The following HELQ variants were observed in gnomAD, a reference collection of about 807,000 sequenced individuals.
The protein encoded by HELQ is helicase POLQ-like.
A neutral mutation model predicts 111.6 loss-of-function variants in HELQ; 77 were observed. That is an observed-to-expected ratio of 0.69 (90% CI 0.57 to 0.83). The LOEUF is 0.83. HELQ is among the 40% of genes least tolerant of loss of function. The pLI, the probability that HELQ is intolerant of heterozygous loss-of-function variation, is 0.00. For missense variants in HELQ, 1,200 were observed against 1,288.5 expected, an observed-to-expected ratio of 0.93 and a Z score of 1.05; for synonymous variants, 438 against 454.7, an observed-to-expected ratio of 0.96 and a Z score of 0.47.
intron 4 of HELQ, 141 bp from the exon 5 acceptor site, chr4:83,446,227 A>G: frequency 1.7e-6 from 1 of 592,036 alleles, no homozygotes; most frequent in Non-Finnish European, 3.0e-6. Flanking sequence ...ACTATAATAC[A>G]TGTATATTAT....
At position 83,443,616 on chromosome 4, in the gene HELQ, T is replaced by G. The variant is rs766839642; in HGVS notation, c.1466-2A>C. The G allele has an allele frequency of 7.1e-7, 1 of 1,408,626 alleles. No individual in the cohort carries two copies. Among genetic ancestry groups the G allele is most frequent in the African/African-American group, 1.4e-5 (1 of 69,932 alleles). The allele number at this position is 1,408,626 out of a possible 1,614,324, so 87.3% of individuals were successfully genotyped here. A position where few individuals can be genotyped will look rare whatever the true frequency, so the allele number is the denominator to read the frequency against. On this transcript the variant is annotated splice_acceptor_variant, in intron 5 of 17. Transcript: ENST00000295488. LOFTEE classifies it high-confidence loss of function. ...TCATACCAATAATTTGAGTCGTTTC[T>G]AAAACACAAACAAACAAAAGCCAAA...
intron 17 of HELQ, among the ~76,000 whole-genome samples, chr4:83,413,118 C>T (rs1739187583): frequency 6.6e-6 from 1 of 152,216 alleles, no homozygotes; most frequent in African/African-American, 2.4e-5. Flanking sequence ...GGCATGAAAG[C>T]TCTGTGCCAC....
intron 17 of HELQ, among the ~76,000 whole-genome samples, chr4:83,415,770 TTACAGGTGTGGGCC>T (rs1014835908): frequency 6.6e-6 from 1 of 151,934 alleles, no homozygotes; most frequent in African/African-American, 2.4e-5. Context: ...GTAGCTGGGA[TTACAGGTGTGGGCC>T]TACAGGTGTG....
chr4:83,438,306 A>C (rs1720567850), intron 8 of HELQ, among the ~76,000 whole-genome samples: 1 of 152,250 alleles, frequency 6.6e-6, no homozygotes, highest in Non-Finnish European at 1.5e-5. Context: ...CTGAACTGTT[A>C]GTAGTTAAAG....
chr4:83,426,258 A>G (rs541531516), intron 13 of HELQ, among the ~76,000 whole-genome samples, 166 bp from the exon 14 acceptor site: 3 of 152,110 alleles, frequency 2.0e-5, no homozygotes, highest in Non-Finnish European at 2.9e-5. Flanking sequence ...AGGATATAAC[A>G]AGGATATAAC....
rs767271202 is a variant in HELQ at position 83,416,706 on chromosome 4, G to A, written c.3198+25C>T. 10 of 1,608,684 alleles carry A rather than the reference G, an allele frequency of 6.2e-6. 1 individual carries two copies. In the South Asian group the frequency reaches 1.1e-4, roughly 18 times the overall value. On this transcript the variant is annotated intron_variant, in intron 17 of 17. Coordinates refer to ENST00000295488, the MANE Select transcript of HELQ (RefSeq NM_133636.5). ...AATAACACTACGCAAGATTATTAAG[G>A]TTAAAAAATGGTTTGTTTGCTTACC...
intron 9 of HELQ, among the ~76,000 whole-genome samples, chr4:83,433,431 G>T (rs1278497239): frequency 6.6e-6 from 1 of 152,152 alleles, no homozygotes; most frequent in Non-Finnish European, 1.5e-5. Flanking sequence ...ACTTTGAGAG[G>T]CTGAGGGGGG....
chr4:83,438,270 C>G (rs1013830680), intron 8 of HELQ, among the ~76,000 whole-genome samples: 1 of 152,138 alleles, frequency 6.6e-6, no homozygotes, highest in Non-Finnish European at 1.5e-5. Flanking sequence ...TAAAACCACA[C>G]ATGGGACAAA....
chr4:83,429,233 G>C (rs1720011451), intron 12 of HELQ, among the ~76,000 whole-genome samples: 1 of 152,014 alleles, frequency 6.6e-6, no homozygotes. Flanking sequence ...TGCAACCTCT[G>C]CCTCCCAGGT....
intron 12 of HELQ, among the ~76,000 whole-genome samples, chr4:83,428,799 T>A (rs528927228): frequency 2.6e-4 from 40 of 151,896 alleles, no homozygotes; most frequent in Middle Eastern, 3.4e-3. Flanking sequence ...AGAAAAAAAA[T>A]TTTTTTAATT....
At chr4:83,442,955 A>G (rs1368510482) in intron 6 of HELQ, among the ~76,000 whole-genome samples, 1 of 152,176 alleles carries the variant, frequency 6.6e-6, no homozygotes, top group African/African-American at 2.4e-5. Context: ...ACACACTAGT[A>G]GTGCACACAA....
chr4:83,435,301 A>G (rs7658363), intron 9 of HELQ, among the ~76,000 whole-genome samples: 13,625 of 152,142 alleles, frequency 0.09, 2,058 homozygotes, highest in African/African-American at 0.31. Flanking sequence ...ACACCATGAC[A>G]AAATTGGGAG....
At position 83,455,559 on chromosome 4, in the gene HELQ, TTCC is replaced by T; in HGVS notation, c.132_134del (p.Glu45del). The T allele has an allele frequency of 2.5e-6, 4 of 1,614,028 alleles. No homozygotes were observed. The highest frequency in any genetic ancestry group is 1.7e-5 in the Admixed American group (1 of 60,012). ...TCCGCCTCCTGTTCTCAGCCACCAT[TTCC>T]TCCTCCTCTTTCCCCTCATCTCCGG... On this transcript the variant is annotated inframe_deletion, in exon 1 of 18. Transcript: ENST00000295488.
chr4:83,445,910 G>A (rs1721020321), intron 5 of HELQ, 104 bp downstream of exon 5: 3 of 713,550 alleles, frequency 4.2e-6, no homozygotes, highest in Admixed American at 2.5e-5. Flanking sequence ...AAAAGCTTAA[G>A]TATCTTGCTT....
intron 14 of HELQ, among the ~76,000 whole-genome samples, chr4:83,424,559 C>A (rs985819094): frequency 6.6e-6 from 1 of 152,014 alleles, no homozygotes; most frequent in Non-Finnish European, 1.5e-5. Flanking sequence ...CTGTGCTGGG[C>A]TCATGGAATT....
chr4:83,423,934 C>A (rs944351217), intron 14 of HELQ, among the ~76,000 whole-genome samples: 2 of 151,502 alleles, frequency 1.3e-5, no homozygotes, highest in Non-Finnish European at 3.0e-5. Flanking sequence ...AAAAAAAAAT[C>A]TTTTGCAAGA....
At chr4:83,416,633 A>T in intron 17 of HELQ, 98 bp downstream of exon 17, 2 of 1,141,570 alleles carry the variant, frequency 1.8e-6, no homozygotes. Context: ...AGAAATAAAC[A>T]GTTATGCAAT....
chr4:83,408,323 C>T (rs987059252), intron 17 of HELQ, among the ~76,000 whole-genome samples: 3 of 152,124 alleles, frequency 2.0e-5, no homozygotes, highest in Non-Finnish European at 4.4e-5. Flanking sequence ...GTGATCTCAG[C>T]TCACTGCAAC....
At chr4:83,422,604 G>A (rs1719599180) in intron 14 of HELQ, among the ~76,000 whole-genome samples, 3 of 152,192 alleles carry the variant, frequency 2.0e-5, no homozygotes, top group Admixed American at 2.0e-4. Context: ...CAGAAGCTAG[G>A]AAAGAGGCAC....
Sources: allele counts gnomAD v4.1 joint callset (sites outside exome capture counted in the v4.1 genomes callset), GRCh38; gene constraint gnomAD v4.1.1; transcripts MANE v1.5; gene names NCBI Gene and HGNC (gene_info 2026-07-23, HGNC 2026-07-21).